KIAA1328: variants seen among roughly 807,000 people sequenced by gnomAD.
KIAA1328 encodes protein hinderin.
KIAA1328 carries 52 observed loss-of-function variants against 68.1 expected under a neutral mutation model. That is an observed-to-expected ratio of 0.76 (90% CI 0.61 to 0.96). The LOEUF (loss-of-function observed/expected upper bound fraction) is 0.96, where lower values mean the gene tolerates loss of function less well. Ranked by LOEUF, KIAA1328 falls within the 40% of genes least tolerant of loss-of-function variation. The probability of loss-of-function intolerance (pLI) is 0.00; values close to 1 mark genes in which losing one functional copy is unlikely to be tolerated. For missense variants in KIAA1328, 641 were observed against 677.6 expected (o/e 0.95, Z 0.60); for synonymous variants, 232 against 239.4 (o/e 0.97, Z 0.28).
At chr18:37,037,972 G>A (rs921507233) in intron 6 of KIAA1328, among the ~76,000 whole-genome samples, 1 of 151,982 alleles carries the variant, frequency 6.6e-6, no homozygotes, top group African/African-American at 2.4e-5. Flanking sequence ...GTGGTGGCAC[G>A]CGCCTGTAGT....
intron 5 of KIAA1328, among the ~76,000 whole-genome samples, chr18:36,935,296 A>G (rs918808645): frequency 5.9e-5 from 9 of 152,226 alleles, no homozygotes; most frequent in Non-Finnish European, 1.0e-4. Context: ...TGGAAATAAG[A>G]TCTCTAAATC....
At chr18:37,032,574 T>G (rs557656318) in intron 6 of KIAA1328, among the ~76,000 whole-genome samples, 6 of 150,286 alleles carry the variant, frequency 4.0e-5, no homozygotes, top group Admixed American at 6.7e-5. Context: ...TAGCAATTTG[T>G]TTTTTTTTGC....
chr18:37,019,978 C>T (rs1314006197), intron 6 of KIAA1328, among the ~76,000 whole-genome samples: 1 of 152,146 alleles, frequency 6.6e-6, no homozygotes, highest in Admixed American at 6.6e-5. Flanking sequence ...GGCCAGTCTA[C>T]TGGTCCAGGT....
chr18:36,982,986 G>T (rs1264694981), intron 6 of KIAA1328, among the ~76,000 whole-genome samples: 3 of 151,844 alleles, frequency 2.0e-5, no homozygotes, highest in Admixed American at 1.3e-4. Context: ...TAACAAGATT[G>T]TAACAAATAG....
At chr18:37,027,452 A>G (rs572390044) in intron 6 of KIAA1328, among the ~76,000 whole-genome samples, 26 of 152,248 alleles carry the variant, frequency 1.7e-4, no homozygotes, top group Non-Finnish European at 3.5e-4. Flanking sequence ...GCATCACGCT[A>G]CCTGACTTCA....
intron 6 of KIAA1328, among the ~76,000 whole-genome samples, chr18:37,046,291 A>G (rs1027332737): frequency 3.3e-5 from 5 of 152,168 alleles, no homozygotes; most frequent in Non-Finnish European, 5.9e-5. Context: ...TCAGTCAGGG[A>G]CTGAATTAAT....
rs536961312 is a variant in KIAA1328 at position 36,912,427 on chromosome 18, T to A, written c.448+26755T>A. 4.6e-3 allele frequency among the ~76,000 whole-genome samples: 697 copies of A among 152,314 alleles called. 6 individuals are homozygous for A. Among genetic ancestry groups the A allele is most frequent in the South Asian group, 0.031 (148 of 4,828 alleles). On this transcript the variant is annotated intron_variant, in intron 5 of 9. Transcript: ENST00000280020. The stretch of plus-strand genomic sequence containing the variant: ...CTTTTCTGACTCTCTTTTTCTTCTC[T>A]ATTATAAGGACTCCTGTAATTACAT...
At chr18:36,991,416 T>C (rs1485560202) in intron 6 of KIAA1328, among the ~76,000 whole-genome samples, 1 of 152,228 alleles carries the variant, frequency 6.6e-6, no homozygotes, top group East Asian at 1.9e-4. Flanking sequence ...ATGAATTCTG[T>C]TAACTAACCA....
chr18:37,147,249 A>G (rs141183807), intron 7 of KIAA1328, among the ~76,000 whole-genome samples: 75 of 152,348 alleles, frequency 4.9e-4, no homozygotes, highest in Non-Finnish European at 9.3e-4. Context: ...AGACAAAGAC[A>G]GTGGCCAGCA....
rs79439618 is a variant in KIAA1328, at chr18:36,964,196, C to G, written c.576+4761C>G. On this transcript the variant is annotated intron_variant, in intron 6 of 9. Transcript: ENST00000280020. ...TAGATATTCTTGTTTCTATAACTAA[C>G]TCTCCTTGGCTCTTAATCTGACATA... is the stretch of plus-strand genomic sequence containing the variant. Among the ~76,000 whole-genome samples, 26 of 152,294 alleles carry G rather than the reference C, an allele frequency of 1.7e-4. 1 individual carries two copies. The East Asian group carries it at 5.0e-3, about 29-fold the overall frequency.
intron 3 of KIAA1328, among the ~76,000 whole-genome samples, chr18:36,838,008 C>T (rs1420418397): frequency 6.6e-6 from 1 of 152,052 alleles, no homozygotes; most frequent in Non-Finnish European, 1.5e-5. Context: ...ATTGTTTTGG[C>T]TATTTTGGGT....
chr18:37,076,686 T>G (rs1049694449), intron 7 of KIAA1328, among the ~76,000 whole-genome samples: 1 of 151,724 alleles, frequency 6.6e-6, no homozygotes, highest in Non-Finnish European at 1.5e-5. Flanking sequence ...CAAACTACCC[T>G]CAGAGACTAC....
intron 5 of KIAA1328, among the ~76,000 whole-genome samples, chr18:36,928,061 G>A (rs1014499834): frequency 1.3e-5 from 2 of 152,100 alleles, no homozygotes; most frequent in East Asian, 1.9e-4. Flanking sequence ...TGTAATCTGT[G>A]CTAATATTTA....
intron 5 of KIAA1328, among the ~76,000 whole-genome samples, chr18:36,944,849 A>G (rs947631222): frequency 6.6e-6 from 1 of 152,230 alleles, no homozygotes; most frequent in Non-Finnish European, 1.5e-5. Context: ...AATACTTGTC[A>G]AGAATCCAGT....
Position 37,187,149 on chromosome 18 carries a change from G to A in KIAA1328, c.1523+14068G>A, listed in dbSNP as rs143001524. Among the ~76,000 whole-genome samples the A allele has an allele frequency of 8.1e-3, 1,232 of 151,820 alleles. 17 individuals carry two copies. The highest frequency in any genetic ancestry group is 0.028 in the African/African-American group (1,149 of 41,324). ...ACTATACTCCAGCCTGGGTGACAGA[G>A]TGAGACTCCATCTCAAAAAAAAAAA... On this transcript the variant is annotated intron_variant, in intron 9 of 9. Coordinates refer to ENST00000280020, the MANE Select transcript of KIAA1328 (RefSeq NM_020776.3).
intron 3 of KIAA1328, among the ~76,000 whole-genome samples, chr18:36,839,236 T>C (rs2046780677): frequency 6.6e-6 from 1 of 152,226 alleles, no homozygotes; most frequent in Non-Finnish European, 1.5e-5. Context: ...TGATCCTCTG[T>C]TCATATTTTT....
intron 3 of KIAA1328, among the ~76,000 whole-genome samples, chr18:36,839,757 G>T (rs117617272): frequency 4.1e-4 from 62 of 152,104 alleles, no homozygotes; most frequent in South Asian, 8.3e-4. Context: ...TTAGTATAGG[G>T]GTAATTTTGC....
At chr18:37,130,542 C>T (rs60583851) in intron 7 of KIAA1328, among the ~76,000 whole-genome samples, 20,787 of 151,920 alleles carry the variant, frequency 0.14, 1,762 homozygotes, top group Admixed American at 0.18. Context: ...GGCTTGAACC[C>T]AGGAGGCGGA....
At chr18:36,912,897 A>G (rs2049514253) in intron 5 of KIAA1328, among the ~76,000 whole-genome samples, 1 of 152,200 alleles carries the variant, frequency 6.6e-6, no homozygotes, top group South Asian at 2.1e-4. Context: ...ATGGGATAGC[A>G]ATTATAAACA....
Sources: gnomAD v4.1 joint callset for allele counts (sites outside exome capture counted in the v4.1 genomes callset) on GRCh38, gnomAD v4.1.1 for gene constraint, MANE v1.5 for transcripts, NCBI Gene and HGNC (gene_info 2026-07-23, HGNC 2026-07-21) for gene names.